SLC8A1: variants seen among roughly 807,000 people sequenced by gnomAD.
SLC8A1 encodes sodium/calcium exchanger 1.
Under a neutral mutation model 68.3 loss-of-function variants are expected in SLC8A1, and 18 were observed. The observed-to-expected ratio is 0.26, with a 90% CI of 0.18 to 0.39. The LOEUF (loss-of-function observed/expected upper bound fraction) is 0.39. SLC8A1 is among the 10% of genes least tolerant of loss of function. The probability of loss-of-function intolerance (pLI) is 1.00; values close to 1 mark genes in which losing one functional copy is unlikely to be tolerated. For missense variants in SLC8A1, 985 were observed against 1,156.7 expected, an observed-to-expected ratio of 0.85 and a Z score of 2.15; for synonymous variants, 475 against 415.5, an observed-to-expected ratio of 1.14 and a Z score of -1.74.
intron 1 of SLC8A1, among the ~76,000 whole-genome samples, chr2:40,504,708 A>C (rs1706258694): frequency 6.6e-6 from 1 of 152,076 alleles, no homozygotes; most frequent in Non-Finnish European, 1.5e-5. Context: ...GCATATGAAA[A>C]TGTGCTCAAC....
chr2:40,243,894 T>C (rs2061517895), intron 2 of SLC8A1, among the ~76,000 whole-genome samples: 1 of 152,134 alleles, frequency 6.6e-6, no homozygotes, highest in Admixed American at 6.5e-5. Context: ...CAAACATTAT[T>C]TCTAAAACCT....
At chr2:40,425,521 G>T (rs1696625039) in intron 2 of SLC8A1, among the ~76,000 whole-genome samples, 1 of 151,696 alleles carries the variant, frequency 6.6e-6, no homozygotes, top group South Asian at 2.1e-4. Context: ...TGGTGCTCTG[G>T]AAAGAATAAT....
At chr2:40,115,117 T>C in exon 8 of SLC8A1, 1 of 612,484 alleles carries the variant, frequency 1.6e-6, no homozygotes, top group Non-Finnish European at 2.4e-6. Context: ...TCGGCCCTAG[T>C]ACAGAGTATG....
At chr2:40,165,210 G>T (rs901616178) in intron 4 of SLC8A1, among the ~76,000 whole-genome samples, 5 of 152,216 alleles carry the variant, frequency 3.3e-5, no homozygotes, top group African/African-American at 1.2e-4. Flanking sequence ...CTAAGCTCAT[G>T]CAAAAGTTCA....
chr2:40,359,399 G>A (rs937847629), intron 2 of SLC8A1, among the ~76,000 whole-genome samples: 47 of 152,242 alleles, frequency 3.1e-4, no homozygotes, highest in African/African-American at 9.6e-4. Flanking sequence ...AGTGCTGGTA[G>A]TAAGTACATG....
chr2:40,273,027 C>A (rs2066243587), intron 2 of SLC8A1, among the ~76,000 whole-genome samples: 1 of 152,334 alleles, frequency 6.6e-6, no homozygotes, highest in East Asian at 1.9e-4. Flanking sequence ...ACTGCAACCT[C>A]CACCTCCCAG....
chr2:40,397,734 C>T (rs1183901446), intron 2 of SLC8A1, among the ~76,000 whole-genome samples: 2 of 152,152 alleles, frequency 1.3e-5, no homozygotes, highest in African/African-American at 4.8e-5. Flanking sequence ...ACCAGGAGAA[C>T]CACTCTGAGA....
At chr2:40,382,124 A>C (rs1461197297) in intron 2 of SLC8A1, among the ~76,000 whole-genome samples, 1 of 152,114 alleles carries the variant, frequency 6.6e-6, no homozygotes, top group Non-Finnish European at 1.5e-5. Flanking sequence ...CTACTGTAGC[A>C]CTAATATTGT....
chr2:40,415,073 G>A (rs1234562517), intron 2 of SLC8A1, among the ~76,000 whole-genome samples: 5 of 152,182 alleles, frequency 3.3e-5, no homozygotes. Context: ...TTCATGGAAT[G>A]CATGAAGAAG....
At chr2:40,285,143 G>A (rs2068110991) in intron 2 of SLC8A1, among the ~76,000 whole-genome samples, 1 of 152,074 alleles carries the variant, frequency 6.6e-6, no homozygotes, top group South Asian at 2.1e-4. Flanking sequence ...TGTGAATTGG[G>A]TATTATTGTC....
intron 6 of SLC8A1, among the ~76,000 whole-genome samples, chr2:40,150,916 A>G (rs1378574278): frequency 6.6e-6 from 1 of 152,140 alleles, no homozygotes; most frequent in Non-Finnish European, 1.5e-5. Flanking sequence ...TTTTAGATCG[A>G]CAGATATCCT....
exon 8 of SLC8A1, chr2:40,098,161 G>A (rs1462029072): frequency 6.6e-6 from 1 of 151,874 alleles, no homozygotes; most frequent in East Asian, 1.9e-4. Context: ...TGAATCTCTG[G>A]CTCATGCCAT....
intron 2 of SLC8A1, among the ~76,000 whole-genome samples, chr2:40,418,262 A>G (rs1694459481): frequency 6.6e-6 from 1 of 152,100 alleles, no homozygotes; most frequent in South Asian, 2.1e-4. Flanking sequence ...ATTCATATTT[A>G]CTGTTTATTA....
intron 2 of SLC8A1, among the ~76,000 whole-genome samples, chr2:40,191,083 A>G (rs191154162): frequency 2.0e-5 from 3 of 152,200 alleles, no homozygotes; most frequent in African/African-American, 7.2e-5. Flanking sequence ...GTGTGCCTCT[A>G]TATGGTGAAA....
chr2:40,179,685 GT>G lies in SLC8A1; in HGVS notation c.1809-1831del, dbSNP rs753709244. Among the ~76,000 whole-genome samples, 29 of 152,204 alleles carry G rather than the reference GT, an allele frequency of 1.9e-4. No homozygotes were observed. The East Asian group carries it at 3.9e-3, about 20-fold the overall frequency. ...ATGGCCATTCTTTAATTTTGGTGGA[GT>G]TTTTTAGGTCTTCTGGAAGGAAATT... On this transcript the variant is annotated intron_variant, in intron 2 of 7. Transcript: ENST00000406785.
intron 2 of SLC8A1, among the ~76,000 whole-genome samples, chr2:40,316,217 T>A (rs952668540): frequency 6.6e-6 from 1 of 152,062 alleles, no homozygotes; most frequent in African/African-American, 2.4e-5. Context: ...CACACTGATA[T>A]CATTCTGGAC....
At chr2:40,288,988 G>A (rs2068807513) in intron 2 of SLC8A1, among the ~76,000 whole-genome samples, 3 of 151,242 alleles carry the variant, frequency 2.0e-5, no homozygotes, top group Admixed American at 1.3e-4. Flanking sequence ...GATTAGGCGT[G>A]AGCCACTGGG....
chr2:40,219,377 T>G (rs1465085320), intron 2 of SLC8A1, among the ~76,000 whole-genome samples: 2 of 152,238 alleles, frequency 1.3e-5, no homozygotes, highest in Non-Finnish European at 2.9e-5. Flanking sequence ...CAAAGTTTGC[T>G]ATGGACAGAA....
chr2:40,252,257 G>C (rs373251840), intron 2 of SLC8A1, among the ~76,000 whole-genome samples: 1 of 152,116 alleles, frequency 6.6e-6, no homozygotes, highest in Non-Finnish European at 1.5e-5. Flanking sequence ...AGCCAGTGAA[G>C]TCTGACAAAA....
Sources: gnomAD v4.1 joint callset for allele counts (sites outside exome capture counted in the v4.1 genomes callset) on GRCh38, gnomAD v4.1.1 for gene constraint, MANE v1.5 for transcripts, NCBI Gene and HGNC (gene_info 2026-07-23, HGNC 2026-07-21) for gene names.